The following GALNT18 variants were observed in gnomAD, a reference collection of about 807,000 sequenced individuals.
GALNT18 encodes the protein polypeptide N-acetylgalactosaminyltransferase 18, also known as GalNAc-transferase 18.
A neutral mutation model predicts 69.5 loss-of-function variants in GALNT18; 44 were observed. The ratio of observed to expected loss-of-function variants is 0.63; its 90% CI spans 0.50 to 0.81. The LOEUF is 0.81. GALNT18 is among the 40% of genes least tolerant of loss of function. GALNT18 has a pLI of 0.00. For missense variants in GALNT18, 715 were observed against 810.0 expected (o/e 0.88, Z 1.42); for synonymous variants, 364 against 318.2 (o/e 1.14, Z -1.53).
chr11:11,340,067 T>C lies in GALNT18; in HGVS notation c.1278+752A>G, dbSNP rs537341548. On this transcript the variant is annotated intron_variant, in intron 7 of 10. Transcript: ENST00000227756. The surrounding 1 kb of genome is among the most constrained non-coding windows in gnomAD (Gnocchi z 4.2). ...AGCAATGAACTCTAGGCAGACAGGC[T>C]GGTAAGTGGGTTGGAATCATGTGGC... Among the ~76,000 whole-genome samples the C allele has an allele frequency of 1.2e-3, 181 of 147,328 alleles. 1 individual carries two copies. Among genetic ancestry groups the C allele is most frequent in the African/African-American group, 4.2e-3 (170 of 40,008 alleles).
At chr11:11,509,041 C>T (rs1055142260) in intron 1 of GALNT18, among the ~76,000 whole-genome samples, 9 of 152,126 alleles carry the variant, frequency 5.9e-5, no homozygotes, top group South Asian at 2.1e-4. Context: ...CCCTACCTCT[C>T]GGACCAAACT....
chr11:11,324,015 A>G (rs1849877688), intron 9 of GALNT18, among the ~76,000 whole-genome samples: 1 of 152,194 alleles, frequency 6.6e-6, no homozygotes, highest in South Asian at 2.1e-4. Flanking sequence ...GCATCCTTAT[A>G]AGAATAGACA....
intron 6 of GALNT18, chr11:11,352,272 C>T (rs755106332): frequency 8.7e-6 from 14 of 1,613,912 alleles, no homozygotes; most frequent in Middle Eastern, 1.6e-4. Flanking sequence ...GTGGACAAAG[C>T]GTTCCCATCG....
At chr11:11,276,718 G>GA (rs1226830012) in intron 10 of GALNT18, among the ~76,000 whole-genome samples, 2 of 151,776 alleles carry the variant, frequency 1.3e-5, no homozygotes, top group African/African-American at 4.8e-5. Context: ...TGTTTGGCAT[G>GA]AAGGGGTATT....
intron 3 of GALNT18, among the ~76,000 whole-genome samples, chr11:11,431,622 T>C (rs777801520): frequency 3.6e-4 from 55 of 152,160 alleles, no homozygotes; most frequent in Admixed American, 7.2e-4. Flanking sequence ...AAAATGAAAA[T>C]GAAGATTTGC....
chr11:11,325,841 A>T (rs997683582), intron 9 of GALNT18, among the ~76,000 whole-genome samples: 2 of 152,150 alleles, frequency 1.3e-5, no homozygotes, highest in Non-Finnish European at 1.5e-5. Flanking sequence ...CCAGCCAGTA[A>T]TGTCACAGCA....
chr11:11,427,861 C>T (rs1703592201), intron 3 of GALNT18, among the ~76,000 whole-genome samples: 1 of 152,210 alleles, frequency 6.6e-6, no homozygotes, highest in South Asian at 2.1e-4. Flanking sequence ...CACCTCATCC[C>T]CAGTGCCTCT....
intron 3 of GALNT18, among the ~76,000 whole-genome samples, chr11:11,380,311 G>A (rs1853880584): frequency 6.6e-6 from 1 of 152,210 alleles, no homozygotes; most frequent in Admixed American, 6.5e-5. Flanking sequence ...CCATTCTTAA[G>A]TCCTTGCTAA....
chr11:11,314,291 T>A lies in GALNT18; in HGVS notation c.1512+12795A>T, dbSNP rs750732012. On this transcript the variant is annotated intron_variant, in intron 9 of 10. Transcript: ENST00000227756. This position sits in a 1 kb window ranked among gnomAD's most constrained non-coding sequence, Gnocchi z 5.2. ...GCCTGCAGGAGTTTAATAAAAGTCA[T>A]GCAAAACTCACTGTTTACAACTCTA... Among the ~76,000 whole-genome samples the A allele has an allele frequency of 1.3e-5, 2 of 152,118 alleles. No homozygotes were observed. Among genetic ancestry groups the A allele is most frequent in the African/African-American group, 4.8e-5 (2 of 41,406 alleles).
intron 1 of GALNT18, among the ~76,000 whole-genome samples, chr11:11,488,612 A>G (rs576228074): frequency 6.6e-6 from 1 of 152,300 alleles, no homozygotes; most frequent in Non-Finnish European, 1.5e-5. Flanking sequence ...TACTTGGCAC[A>G]TAAGTGCTCT....
At chr11:11,275,267 G>A (rs1489431260) in intron 10 of GALNT18, among the ~76,000 whole-genome samples, 1 of 152,214 alleles carries the variant, frequency 6.6e-6, no homozygotes, top group Non-Finnish European at 1.5e-5. Context: ...TCTCATTGCG[G>A]TTTTGATTTG....
At chr11:11,352,159 G>A in intron 6 of GALNT18, 4 of 1,613,622 alleles carry the variant, frequency 2.5e-6, no homozygotes, top group Non-Finnish European at 3.4e-6. Flanking sequence ...AAATAGGGGT[G>A]CTCCATGGCC....
In GALNT18 at chr11:11,352,492, C is replaced by T. The variant is rs774332368; in HGVS notation, c.1093-11488G>A. ...AATCTCCACATATCCAAACTATAAT[C>T]GTACATCTGATAGTCTACAAGTAGC... On this transcript the variant is annotated intron_variant, in intron 6 of 10. Transcript: ENST00000227756. The T allele has an allele frequency of 1.5e-5, 25 of 1,614,000 alleles. 1 individual carries two copies. Among genetic ancestry groups the T allele is most frequent in the East Asian group, 8.9e-5 (4 of 44,892 alleles).
chr11:11,446,465 G>C (rs115385210), intron 2 of GALNT18, among the ~76,000 whole-genome samples: 3,094 of 152,214 alleles, frequency 0.02, 77 homozygotes, highest in African/African-American at 0.065. Flanking sequence ...GGAACTAGAG[G>C]GCCCTATTCC....
chr11:11,575,939 A>G (rs1858914787), intron 1 of GALNT18, among the ~76,000 whole-genome samples: 1 of 152,220 alleles, frequency 6.6e-6, no homozygotes, highest in African/African-American at 2.4e-5. Flanking sequence ...AAGACTTACA[A>G]TAGTCACAAT....
chr11:11,294,503 C>T (rs1411918459), intron 9 of GALNT18, among the ~76,000 whole-genome samples: 1 of 151,952 alleles, frequency 6.6e-6, no homozygotes, highest in Non-Finnish European at 1.5e-5. Flanking sequence ...ATAAGCAAGA[C>T]TTTCAAAGGA....
intron 1 of GALNT18, among the ~76,000 whole-genome samples, chr11:11,580,202 G>A (rs1859042210): frequency 6.6e-6 from 1 of 152,194 alleles, no homozygotes; most frequent in Non-Finnish European, 1.5e-5. Flanking sequence ...TTTGGGTCCA[G>A]GTTTCCCAGT....
intron 10 of GALNT18, among the ~76,000 whole-genome samples, chr11:11,277,013 C>G (rs4528320): frequency 6.6e-6 from 1 of 151,928 alleles, no homozygotes; most frequent in East Asian, 1.9e-4. Context: ...TATCAGGATG[C>G]TGCTGGCCTC....
rs1252921667 is a variant in GALNT18 at position 11,315,721 on chromosome 11, C to A, written c.1512+11365G>T. 6.6e-6 allele frequency among the ~76,000 whole-genome samples: 1 copy of A among 152,142 alleles called. No homozygotes were observed. The highest frequency in any genetic ancestry group is 1.5e-5 in the Non-Finnish European group (1 of 68,032). ...ACATCCCAACTTTACAGATTATGAA[C>A]CTAACAGGTTAGAAAGATCAGATCA... On this transcript the variant is annotated intron_variant, in intron 9 of 10. Coordinates refer to ENST00000227756, the MANE Select transcript of GALNT18 (RefSeq NM_198516.3). The surrounding 1 kb of genome is among the most constrained non-coding windows in gnomAD (Gnocchi z 5.6).
Sources: gnomAD v4.1 joint callset for allele counts (sites outside exome capture counted in the v4.1 genomes callset) on GRCh38, gnomAD v4.1.1 for gene constraint, Gnocchi (gnomAD v3.1) non-coding constraint, MANE v1.5 for transcripts, NCBI Gene and HGNC (gene_info 2026-07-23, HGNC 2026-07-21) for gene names.